The following FAM90A20 variants were observed in gnomAD, a reference collection of about 807,000 sequenced individuals.
FAM90A20 encodes protein FAM90A20.
At chr8:7,297,774 C>T in the FAM90A20 span, 319 of 1,445,156 alleles carry the variant, frequency 2.2e-4, 20 homozygotes, top group Non-Finnish European at 2.8e-4. Context: ...TCCCATCACC[C>T]AGCGGCCAGC....
At chr8:7,297,483 G>A in the FAM90A20 span, 5 of 1,539,296 alleles carry the variant, frequency 3.2e-6, no homozygotes, top group South Asian at 1.1e-5. Context: ...TCCAATCTCA[G>A]CTTTGGGTCA....
At chr8:7,297,732 C>T in the FAM90A20 span, 3 of 1,493,488 alleles carry the variant, frequency 2.0e-6, no homozygotes, top group Non-Finnish European at 2.7e-6. Context: ...CACCGCAGAC[C>T]TTGCCTGCCT....
the FAM90A20 span, chr8:7,297,812 C>G: frequency 2.6e-6 from 3 of 1,162,968 alleles, no homozygotes; most frequent in South Asian, 1.2e-5. Flanking sequence ...TCTCAGAGTG[C>G]TCTTCCGGAG....
At chr8:7,297,083 G>T in the FAM90A20 span, 3 of 1,511,758 alleles carry the variant, frequency 2.0e-6, no homozygotes, top group South Asian at 1.1e-5. Context: ...GCCAATGCCG[G>T]TCCACACAAC....
the FAM90A20 span, chr8:7,297,159 G>A: frequency 3.3e-6 from 5 of 1,530,992 alleles, no homozygotes; most frequent in South Asian, 3.4e-5. Flanking sequence ...TCTGGCAGGG[G>A]CTCCGTCTTG....
At chr8:7,297,647 C>G in the FAM90A20 span, 10 of 1,405,728 alleles carry the variant, frequency 7.1e-6, no homozygotes, top group East Asian at 9.0e-5. Flanking sequence ...CGCAACCGAA[C>G]TTGGACCAAG....
At chr8:7,297,812 C>T in the FAM90A20 span, 24 of 1,162,910 alleles carry the variant, frequency 2.1e-5, no homozygotes, top group Admixed American at 1.7e-4. Flanking sequence ...TCTCAGAGTG[C>T]TCTTCCGGAG....
chr8:7,297,475 C>G, the FAM90A20 span: 8 of 1,541,554 alleles, frequency 5.2e-6, 2 homozygotes, highest in East Asian at 4.5e-5. Context: ...GCCTAGGCTC[C>G]AATCTCAGCT....
the FAM90A20 span, chr8:7,297,202 G>A: frequency 4.6e-6 from 7 of 1,534,254 alleles, 2 homozygotes; most frequent in Non-Finnish European, 6.2e-6. Flanking sequence ...AAGCCAGTCT[G>A]AGCTCCTCCT....
chr8:7,295,633 C>G, the FAM90A20 span: 4 of 660,274 alleles, frequency 6.1e-6, no homozygotes, highest in Non-Finnish European at 1.1e-5. Context: ...ACCCACAGCT[C>G]AAGTGCAAAA....
the FAM90A20 span, chr8:7,297,187 C>G: frequency 2.0e-6 from 3 of 1,536,990 alleles, no homozygotes; most frequent in Admixed American, 5.1e-5. Flanking sequence ...TGTCTCCCCT[C>G]AGAAAAGCCA....
chr8:7,297,513 A>G, the FAM90A20 span: 11 of 1,512,482 alleles, frequency 7.3e-6, 4 homozygotes, highest in African/African-American at 2.3e-4. Flanking sequence ...AGACCTGCCC[A>G]GGCTCCGATT....
chr8:7,297,565 C>A, the FAM90A20 span: 3 of 1,513,852 alleles, frequency 2.0e-6, no homozygotes, highest in Middle Eastern at 2.3e-4. Flanking sequence ...GACTGGGTCC[C>A]TTCCAGATCC....
the FAM90A20 span, chr8:7,295,830 G>A: frequency 1.2e-6 from 1 of 809,114 alleles, no homozygotes; most frequent in Non-Finnish European, 2.0e-6. Flanking sequence ...GAGAGACCAA[G>A]GTGAGCAGTG....
chr8:7,297,143 G>A, the FAM90A20 span: 1,794 of 1,525,388 alleles, frequency 1.2e-3, 385 homozygotes, highest in African/African-American at 0.018. Context: ...CTCAGCTACC[G>A]AAATGTCTGG....
At chr8:7,297,036 A>G in the FAM90A20 span, 4 of 1,468,976 alleles carry the variant, frequency 2.7e-6, no homozygotes, top group Non-Finnish European at 3.6e-6. Context: ...AGGAACTTCT[A>G]ACCTGTGTTG....
At chr8:7,295,765 G>A in the FAM90A20 span, 7 of 1,307,882 alleles carry the variant, frequency 5.4e-6, 2 homozygotes, top group South Asian at 7.1e-5. Context: ...AACCATGGAA[G>A]CCTGGGGTTG....
the FAM90A20 span, chr8:7,297,213 C>T: frequency 6.5e-7 from 1 of 1,529,596 alleles, no homozygotes; most frequent in Non-Finnish European, 8.8e-7. Flanking sequence ...AGCTCCTCCT[C>T]AAGTCTTGGA....
At chr8:7,295,864 G>A in the FAM90A20 span, 2 of 678,966 alleles carry the variant, frequency 2.9e-6, no homozygotes, top group South Asian at 1.5e-5. Flanking sequence ...CCACTCTTAG[G>A]GTACTGCCTC....
Sources: allele counts gnomAD v4.1 joint callset, GRCh38; gene constraint gnomAD v4.1.1; transcripts MANE v1.5; gene names NCBI Gene and HGNC (gene_info 2026-07-23, HGNC 2026-07-21).